TRDN: variants seen among roughly 807,000 people sequenced by gnomAD.
The protein encoded by TRDN is triadin.
TRDN carries 161 observed loss-of-function variants against 149.7 expected under a neutral mutation model. That is an observed-to-expected ratio of 1.08 (90% CI 0.95 to 1.23). The LOEUF is 1.23. Ranked by LOEUF, TRDN falls within the 50% of genes most tolerant of loss-of-function variation. The probability of loss-of-function intolerance (pLI) is 0.00; values close to 1 mark genes in which losing one functional copy is unlikely to be tolerated. For missense variants in TRDN, 896 were observed against 823.5 expected (o/e 1.09, Z -1.08); for synonymous variants, 294 against 250.5 (o/e 1.17, Z -1.64).
At chr6:123,432,910 G>T (rs1774390679) in intron 12 of TRDN, among the ~76,000 whole-genome samples, 1 of 151,670 alleles carries the variant, frequency 6.6e-6, no homozygotes, top group South Asian at 2.1e-4. Context: ...TGTAGGTGTT[G>T]GACTTCCCCA....
chr6:123,288,151 C>G (rs957638708), intron 24 of TRDN, among the ~76,000 whole-genome samples: 1 of 151,998 alleles, frequency 6.6e-6, no homozygotes, highest in African/African-American at 2.4e-5. Flanking sequence ...AAAGAACAAT[C>G]TCTTTAATAA....
intron 2 of TRDN, among the ~76,000 whole-genome samples, chr6:123,562,511 G>T (rs928899207): frequency 1.3e-5 from 2 of 152,140 alleles, no homozygotes; most frequent in Admixed American, 1.3e-4. Flanking sequence ...CTACAGAGTA[G>T]GTTCTCACAG....
At chr6:123,605,321 A>G (rs1583313957) in intron 1 of TRDN, among the ~76,000 whole-genome samples, 2 of 149,542 alleles carry the variant, frequency 1.3e-5, no homozygotes, top group Admixed American at 1.3e-4. Context: ...ACATATATGT[A>G]TAAAATATAC....
intron 39 of TRDN, among the ~76,000 whole-genome samples, chr6:123,223,713 C>CTTCCTTCCTTCG (rs1211534025): frequency 2.7e-5 from 4 of 149,638 alleles, no homozygotes; most frequent in South Asian, 2.1e-4. Flanking sequence ...TCCTTCCTTC[C>CTTCCTTCCTTCG]TTCCTTCCTT....
Position 123,578,448 on chromosome 6 carries a change from G to A in TRDN, c.23-7316C>T, listed in dbSNP as rs535756418. Reference sequence around the variant, plus strand: ...ATTGCTTGTTTTTGTCAGCTTTGTCGAAGATCAGAGGGTCGTAGGTATGGG... The same window carrying A: ...ATTGCTTGTTTTTGTCAGCTTTGTCAAAGATCAGAGGGTCGTAGGTATGGG... On this transcript the variant is annotated intron_variant, in intron 1 of 40. Coordinates refer to ENST00000334268, the MANE Select transcript of TRDN (RefSeq NM_006073.4). Among the ~76,000 whole-genome samples the A allele has an allele frequency of 4.4e-4, 67 of 152,068 alleles. No individual in the cohort carries two copies. The East Asian group carries it at 9.7e-3, about 22-fold the overall frequency.
chr6:123,233,227 C>G (rs1052993894), intron 38 of TRDN, among the ~76,000 whole-genome samples: 4 of 152,006 alleles, frequency 2.6e-5, no homozygotes, highest in Non-Finnish European at 5.9e-5. Flanking sequence ...TAGTTCAAAG[C>G]AACATTTGAC....
intron 12 of TRDN, among the ~76,000 whole-genome samples, chr6:123,413,914 A>G (rs79804367): frequency 0.011 from 1,619 of 152,234 alleles, 32 homozygotes; most frequent in African/African-American, 0.037. Context: ...ACCATTAGAC[A>G]TCTCTACCAG....
chr6:123,380,856 G>A (rs1245812047), intron 16 of TRDN, among the ~76,000 whole-genome samples: 1 of 151,972 alleles, frequency 6.6e-6, no homozygotes, highest in African/African-American at 2.4e-5. Context: ...AGCAACAGTG[G>A]ATGAGGCTGA....
In TRDN at chr6:123,404,582, G is replaced by T. The variant is rs1034721033; in HGVS notation, c.1052-10905C>A. On this transcript the variant is annotated intron_variant, in intron 12 of 40. Transcript: ENST00000334268. Reference sequence around the variant, plus strand: ...TTCTGCCTCAGCCTCCCAAGTAGCTGGGATTACAGGCGTGCACCACCACAC... The same window carrying T: ...TTCTGCCTCAGCCTCCCAAGTAGCTTGGATTACAGGCGTGCACCACCACAC... 5.9e-4 allele frequency among the ~76,000 whole-genome samples: 89 copies of T among 152,086 alleles called. 1 individual carries two copies. The highest frequency in any genetic ancestry group is 5.8e-3 in the Admixed American group (89 of 15,258).
At chr6:123,629,627 C>G (rs548411848) in intron 1 of TRDN, among the ~76,000 whole-genome samples, 36 of 152,172 alleles carry the variant, frequency 2.4e-4, no homozygotes, top group South Asian at 1.0e-3. Flanking sequence ...TAGAAAATAT[C>G]TAAACCACAT....
chr6:123,401,392 G>A (rs1315067943), intron 12 of TRDN, among the ~76,000 whole-genome samples: 1 of 152,104 alleles, frequency 6.6e-6, no homozygotes, highest in Non-Finnish European at 1.5e-5. Flanking sequence ...GATTAAACAG[G>A]GGGTTAGGGG....
chr6:123,508,620 C>G (rs1156555999), intron 7 of TRDN, among the ~76,000 whole-genome samples: 1 of 152,122 alleles, frequency 6.6e-6, no homozygotes, highest in African/African-American at 2.4e-5. Context: ...TAATGAACTA[C>G]AGAAATAGGC....
At chr6:123,377,231 A>G (rs953510355) in intron 18 of TRDN, among the ~76,000 whole-genome samples, 1 of 152,218 alleles carries the variant, frequency 6.6e-6, no homozygotes, top group African/African-American at 2.4e-5. Context: ...GTTATTAAGT[A>G]AGATTATGAA....
chr6:123,626,848 T>C (rs1170834382), intron 1 of TRDN, among the ~76,000 whole-genome samples: 2 of 151,976 alleles, frequency 1.3e-5, no homozygotes, highest in Admixed American at 1.3e-4. Context: ...TTTGCTTGGA[T>C]CCATAAGAGG....
intron 12 of TRDN, among the ~76,000 whole-genome samples, chr6:123,421,225 A>G (rs1365051335): frequency 6.6e-6 from 1 of 152,188 alleles, no homozygotes; most frequent in Non-Finnish European, 1.5e-5. Flanking sequence ...ACGTTGGATT[A>G]GGCCCTCCTT....
intron 20 of TRDN, among the ~76,000 whole-genome samples, chr6:123,355,746 G>A (rs1411512387): frequency 6.6e-6 from 1 of 151,740 alleles, no homozygotes; most frequent in Non-Finnish European, 1.5e-5. Flanking sequence ...CAAGTCATCT[G>A]ATTGGTGAAC....
At chr6:123,292,889 T>G (rs1778061075) in intron 24 of TRDN, among the ~76,000 whole-genome samples, 1 of 152,198 alleles carries the variant, frequency 6.6e-6, no homozygotes, top group Non-Finnish European at 1.5e-5. Flanking sequence ...TCTTCCTGAT[T>G]GTAATACTTC....
chr6:123,386,741 C>A (rs1245717252), intron 14 of TRDN, among the ~76,000 whole-genome samples: 3 of 152,178 alleles, frequency 2.0e-5, no homozygotes. Flanking sequence ...TCTGGATTAG[C>A]TCCTCAGCAA....
intron 9 of TRDN, among the ~76,000 whole-genome samples, chr6:123,482,377 A>G (rs1777785661): frequency 6.6e-6 from 1 of 152,214 alleles, no homozygotes; most frequent in African/African-American, 2.4e-5. Context: ...TTGTTATTTA[A>G]TAGGCTTAAC....
Sources: gnomAD v4.1 joint callset for allele counts (sites outside exome capture counted in the v4.1 genomes callset) on GRCh38, gnomAD v4.1.1 for gene constraint, MANE v1.5 for transcripts, NCBI Gene and HGNC (gene_info 2026-07-23, HGNC 2026-07-21) for gene names.